Variants in COL25A1 observed in about 807,000 individuals in gnomAD.
The protein encoded by COL25A1 is collagen type XXV alpha 1 chain.
COL25A1 carries 103 observed loss-of-function variants against 128.4 expected under a neutral mutation model. The observed-to-expected ratio is 0.80, with a 90% CI of 0.68 to 0.94. The LOEUF (loss-of-function observed/expected upper bound fraction) is 0.94. COL25A1 is among the 40% of genes least tolerant of loss of function. The pLI, the probability that COL25A1 is intolerant of heterozygous loss-of-function variation, is 0.00. For missense variants in COL25A1, 745 were observed against 840.0 expected (o/e 0.89, Z 1.40); for synonymous variants, 279 against 277.2 (o/e 1.01, Z -0.06).
chr4:109,171,958 A>G (rs750978429), intron 3 of COL25A1, among the ~76,000 whole-genome samples: 1 of 152,126 alleles, frequency 6.6e-6, no homozygotes, highest in Non-Finnish European at 1.5e-5. Flanking sequence ...GAGATATCCC[A>G]GGGAATAAGG....
At chr4:109,022,208 A>G (rs1757839308) in intron 5 of COL25A1, 1 of 453,430 alleles carries the variant, frequency 2.2e-6, no homozygotes. Context: ...CAGCTGTAAA[A>G]TTCCTCTCTT....
At chr4:109,195,970 A>G (rs1233911311) in intron 3 of COL25A1, among the ~76,000 whole-genome samples, 1 of 152,196 alleles carries the variant, frequency 6.6e-6, no homozygotes, top group East Asian at 1.9e-4. Context: ...CTAATTTCAT[A>G]TTTACAGAGC....
chr4:109,170,394 C>G (rs1189464256), intron 3 of COL25A1, among the ~76,000 whole-genome samples: 2 of 152,146 alleles, frequency 1.3e-5, no homozygotes, highest in Non-Finnish European at 2.9e-5. Flanking sequence ...CTGTTCGGTG[C>G]AGGCCATACA....
chr4:109,069,712 C>A (rs1380094729), intron 3 of COL25A1, among the ~76,000 whole-genome samples: 1 of 152,116 alleles, frequency 6.6e-6, no homozygotes, highest in African/African-American at 2.4e-5. Flanking sequence ...ACTTTCTGGG[C>A]TCTCTGTAAA....
chr4:109,137,096 G>T (rs1393471593), intron 3 of COL25A1, among the ~76,000 whole-genome samples: 1 of 152,186 alleles, frequency 6.6e-6, no homozygotes, highest in Non-Finnish European at 1.5e-5. Context: ...AATGTGAGTT[G>T]TTTCCAGTCA....
chr4:109,117,324 G>A (rs1038065909), intron 3 of COL25A1, among the ~76,000 whole-genome samples: 10 of 151,926 alleles, frequency 6.6e-5, no homozygotes, highest in Non-Finnish European at 2.9e-5. Context: ...TTTCTTCTCA[G>A]AACCCATGTA....
At chr4:109,087,447 T>C (rs1764508129) in intron 3 of COL25A1, among the ~76,000 whole-genome samples, 1 of 152,102 alleles carries the variant, frequency 6.6e-6, no homozygotes, top group South Asian at 2.1e-4. Context: ...AACTCATGCC[T>C]TGAAATCCAG....
At chr4:109,254,469 T>TTATATATTTA (rs1780916470) in intron 3 of COL25A1, among the ~76,000 whole-genome samples, 2 of 59,592 alleles carry the variant, frequency 3.4e-5, no homozygotes, top group Non-Finnish European at 6.7e-5. Flanking sequence ...AGGCATATGT[T>TTATATATTTA]TATATATATA....
At position 109,139,241 on chromosome 4, in the gene COL25A1, G is replaced by T. The variant is rs546532913; in HGVS notation, c.368-89062C>A. 9.9e-5 allele frequency among the ~76,000 whole-genome samples: 15 copies of T among 152,210 alleles called. 1 individual carries two copies. In the South Asian group the frequency reaches 2.3e-3, roughly 23 times the overall value. ...TCTGGATATTAGCCCTTTGTCAGAT[G>T]GATAGAATGCAAAAATTTTCTTCCA... On this transcript the variant is annotated intron_variant, in intron 3 of 37. Coordinates refer to ENST00000399132, the MANE Select transcript of COL25A1 (RefSeq NM_198721.4).
chr4:108,914,252 A>T (rs1196907213), intron 13 of COL25A1, among the ~76,000 whole-genome samples: 1 of 152,134 alleles, frequency 6.6e-6, no homozygotes, highest in African/African-American at 2.4e-5. Flanking sequence ...TATCTCTGAG[A>T]AACTTAGAGA....
intron 6 of COL25A1, among the ~76,000 whole-genome samples, chr4:109,004,003 C>T (rs1489439129): frequency 6.6e-6 from 1 of 151,570 alleles, no homozygotes; most frequent in East Asian, 1.9e-4. Flanking sequence ...AACATCCTCT[C>T]TCTTCATTTC....
At chr4:108,904,375 T>G (rs1216032431) in intron 13 of COL25A1, among the ~76,000 whole-genome samples, 2 of 152,094 alleles carry the variant, frequency 1.3e-5, no homozygotes, top group Non-Finnish European at 2.9e-5. Flanking sequence ...TGAAACATTT[T>G]TAGGGGCAAA....
At chr4:108,829,633 T>C (rs551537125) in intron 32 of COL25A1, among the ~76,000 whole-genome samples, 1 of 151,820 alleles carries the variant, frequency 6.6e-6, no homozygotes, top group East Asian at 1.9e-4. Context: ...CACTTGAGAA[T>C]CTTGGCTTTG....
intron 19 of COL25A1, among the ~76,000 whole-genome samples, chr4:108,873,188 C>G (rs981177369): frequency 6.6e-6 from 1 of 152,196 alleles, no homozygotes; most frequent in Non-Finnish European, 1.5e-5. Context: ...CCACTCCCCC[C>G]AGGCAGCTTT....
At chr4:109,036,289 G>T (rs1034109960) in intron 5 of COL25A1, among the ~76,000 whole-genome samples, 1 of 152,068 alleles carries the variant, frequency 6.6e-6, no homozygotes, top group Non-Finnish European at 1.5e-5. Flanking sequence ...ATGCCTATGG[G>T]AAAATAACAT....
intron 3 of COL25A1, among the ~76,000 whole-genome samples, chr4:109,236,536 T>G (rs1779490919): frequency 6.6e-6 from 1 of 152,200 alleles, no homozygotes; most frequent in Non-Finnish European, 1.5e-5. Context: ...CATTCAATAC[T>G]TCAGGAAATG....
chr4:109,034,895 G>C (rs774604351), intron 5 of COL25A1, among the ~76,000 whole-genome samples: 1 of 152,104 alleles, frequency 6.6e-6, no homozygotes, highest in Non-Finnish European at 1.5e-5. Flanking sequence ...TTTAGACAGG[G>C]AACTGAAATC....
chr4:109,014,383 G>C (rs1561027793), intron 5 of COL25A1, among the ~76,000 whole-genome samples: 1 of 151,764 alleles, frequency 6.6e-6, no homozygotes. Flanking sequence ...TTATGTGAAA[G>C]TTAAAATGCA....
intron 6 of COL25A1, among the ~76,000 whole-genome samples, chr4:109,002,425 G>A (rs1345597492): frequency 6.6e-6 from 1 of 152,126 alleles, no homozygotes; most frequent in East Asian, 1.9e-4. Flanking sequence ...GATAAACCTG[G>A]ATGACATTGT....
Sources: gnomAD v4.1 joint callset for allele counts (sites outside exome capture counted in the v4.1 genomes callset) on GRCh38, gnomAD v4.1.1 for gene constraint, MANE v1.5 for transcripts, NCBI Gene and HGNC (gene_info 2026-07-23, HGNC 2026-07-21) for gene names.